The following PARVB variants were observed in gnomAD, a reference collection of about 807,000 sequenced individuals.
PARVB encodes the protein beta-parvin.
In PARVB, 46 loss-of-function variants were observed where a neutral mutation model predicts 47.0. The ratio of observed to expected loss-of-function variants is 0.98; its 90% CI spans 0.77 to 1.25. The LOEUF is 1.25. Ranked by LOEUF, PARVB falls within the 50% of genes most tolerant of loss-of-function variation. The pLI is 0.00. For synonymous variants in PARVB, 196 were observed against 196.3 expected (o/e 1.00, Z 0.01); for missense variants, 473 against 471.6 (o/e 1.00, Z -0.03).
At chr22:44,003,917 G>A (rs528566659) in intron 2 of PARVB, among the ~76,000 whole-genome samples, 1 of 152,260 alleles carries the variant, frequency 6.6e-6, no homozygotes, top group African/African-American at 2.4e-5. Context: ...TGTTCCAAAT[G>A]ACCTGTAGTT....
At chr22:44,154,212 C>T (rs1223969744) in intron 10 of PARVB, among the ~76,000 whole-genome samples, 2 of 152,042 alleles carry the variant, frequency 1.3e-5, no homozygotes, top group East Asian at 1.9e-4. Context: ...TCATTTTTTT[C>T]CCCCCGATTA....
intron 2 of PARVB, among the ~76,000 whole-genome samples, chr22:44,018,636 C>A (rs1241026710): frequency 1.3e-5 from 2 of 152,190 alleles, no homozygotes; most frequent in Non-Finnish European, 2.9e-5. Context: ...CCTCAGCACC[C>A]CTTTTGTCGA....
intron 3 of PARVB, chr22:44,110,875 C>G (rs577060513): frequency 1.3e-5 from 2 of 152,228 alleles, no homozygotes; most frequent in Non-Finnish European, 2.9e-5. Flanking sequence ...GCTGGGATTA[C>G]AGGCGTGAGC....
chr22:44,108,348 A>G (rs77949688), intron 3 of PARVB: 3,600 of 152,338 alleles, frequency 0.024, 137 homozygotes, highest in African/African-American at 0.082. Context: ...GGTGTCTGGA[A>G]TGAAGTCAAT....
chr22:44,062,294 A>T (rs2051434033), intron 1 of PARVB, among the ~76,000 whole-genome samples: 1 of 152,086 alleles, frequency 6.6e-6, no homozygotes, highest in African/African-American at 2.4e-5. Context: ...ACCCCAAATC[A>T]GGGTCCCCAC....
At chr22:44,077,366 C>T (rs1372871770) in intron 1 of PARVB, among the ~76,000 whole-genome samples, 3 of 152,188 alleles carry the variant, frequency 2.0e-5, no homozygotes, top group African/African-American at 7.2e-5. Flanking sequence ...GTAAGGACGC[C>T]TGTCATTGGA....
intron 4 of PARVB, among the ~76,000 whole-genome samples, chr22:44,120,128 C>T (rs2053010901): frequency 6.6e-6 from 1 of 152,220 alleles, no homozygotes; most frequent in Non-Finnish European, 1.5e-5. Context: ...AGCTCTTGAG[C>T]CCGGCCGCGG....
chr22:44,055,723 C>T (rs773062887), intron 1 of PARVB, among the ~76,000 whole-genome samples: 7 of 151,510 alleles, frequency 4.6e-5, no homozygotes, highest in African/African-American at 7.3e-5. Context: ...GTTATTGGCT[C>T]ATGTGGTTAC....
chr22:44,118,057 A>G (rs377475609), intron 3 of PARVB, among the ~76,000 whole-genome samples: 12 of 152,280 alleles, frequency 7.9e-5, no homozygotes, highest in Admixed American at 6.5e-4. Context: ...CTTAAGAGGA[A>G]GGCTGGCCTG....
intron 1 of PARVB, chr22:44,086,677 A>G (rs970768142): frequency 3.5e-6 from 3 of 846,758 alleles, no homozygotes; most frequent in African/African-American, 1.8e-5. Context: ...GTCTTATTTT[A>G]ACTCCACTGA....
chr22:44,080,304 T>A (rs2051871509), intron 1 of PARVB, among the ~76,000 whole-genome samples: 1 of 152,206 alleles, frequency 6.6e-6, no homozygotes, highest in Admixed American at 6.5e-5. Context: ...ATTTTACAGT[T>A]CTGGAGGTCA....
chr22:44,093,205 G>C (rs1386235347), intron 1 of PARVB, among the ~76,000 whole-genome samples: 2 of 152,222 alleles, frequency 1.3e-5, no homozygotes, highest in Non-Finnish European at 2.9e-5. Flanking sequence ...CTCCCTGGTG[G>C]ATGTGGCTGA....
chr22:44,146,720 C>T (rs2053693439), intron 8 of PARVB: 1 of 152,434 alleles, frequency 6.6e-6, no homozygotes, highest in Non-Finnish European at 1.5e-5. Flanking sequence ...TGAGGAGGCT[C>T]CCCTAGGCCA....
chr22:44,005,797 A>G (rs1478467442), intron 2 of PARVB, among the ~76,000 whole-genome samples: 11 of 152,192 alleles, frequency 7.2e-5, no homozygotes, highest in African/African-American at 2.2e-4. Context: ...TCAAGTAACA[A>G]CCTAGAGGGT....
At chr22:43,999,495 T>C (rs772496817) in intron 1 of PARVB, 1 of 1,554,956 alleles carries the variant, frequency 6.4e-7, no homozygotes, top group Non-Finnish European at 8.9e-7. Context: ...CTTGAGAAAC[T>C]GGATCCGACA....
At chr22:44,131,660 T>C in intron 5 of PARVB, 33 bp downstream of exon 5, 1 of 1,580,088 alleles carries the variant, frequency 6.3e-7, no homozygotes, top group Non-Finnish European at 8.6e-7. Flanking sequence ...AGGGACTGTC[T>C]GGAGGGAGCC....
At chr22:44,006,830 C>G (rs1210044842) in intron 2 of PARVB, among the ~76,000 whole-genome samples, 1 of 152,194 alleles carries the variant, frequency 6.6e-6, no homozygotes, top group Non-Finnish European at 1.5e-5. Context: ...ATCTCCTGGA[C>G]AGGCAGCCAG....
chr22:44,169,071 G>GAGATGGGGTTTCACCATGTTGC lies in PARVB; in HGVS notation c.*393_*394insAGATGGGGTTTCACCATGTTGC, dbSNP rs2054237741. On this transcript the variant is annotated 3_prime_UTR_variant, in exon 13 of 13. Coordinates refer to ENST00000338758, the MANE Select transcript of PARVB (RefSeq NM_013327.5). The stretch of plus-strand genomic sequence containing the variant: ...TGCATTCTGCCTCATGGTGCAGTTA[G>GAGATGGGGTTTCACCATGTTGC]CGATCACAGGCCTTCAGAAGTACAA... 1 of 169,800 alleles carries GAGATGGGGTTTCACCATGTTGC rather than the reference G, an allele frequency of 5.9e-6. No individual in the cohort carries two copies. The highest frequency in any genetic ancestry group is 3.2e-5 in the African/African-American group (1 of 31,332). The allele number at this position is 169,800 out of a possible 1,614,324, so 10.5% of individuals were successfully genotyped here. A position where few individuals can be genotyped will look rare whatever the true frequency, so the allele number is the denominator to read the frequency against.
intron 1 of PARVB, among the ~76,000 whole-genome samples, chr22:44,065,100 A>G (rs1411989149): frequency 6.6e-6 from 1 of 152,060 alleles, no homozygotes; most frequent in Non-Finnish European, 1.5e-5. Context: ...CATGTGCCCC[A>G]CTGAGACCCT....
Sources: gnomAD v4.1 joint callset for allele counts (sites outside exome capture counted in the v4.1 genomes callset) on GRCh38, gnomAD v4.1.1 for gene constraint, MANE v1.5 for transcripts, NCBI Gene and HGNC (gene_info 2026-07-23, HGNC 2026-07-21) for gene names.